Variants in DPP10 observed in about 807,000 individuals in gnomAD.
DPP10 encodes dipeptidyl peptidase like 10, also known as inactive dipeptidyl peptidase 10.
In DPP10, 33 loss-of-function variants were observed where a neutral mutation model predicts 120.9. That is an observed-to-expected ratio of 0.27 (90% CI 0.21 to 0.37). The LOEUF is 0.37. DPP10 is among the 10% of genes least tolerant of loss of function. DPP10 has a pLI of 1.00. For missense variants in DPP10, 816 were observed against 942.8 expected (o/e 0.87, Z 1.76); for synonymous variants, 337 against 326.1 (o/e 1.03, Z -0.36).
intron 1 of DPP10, among the ~76,000 whole-genome samples, chr2:114,489,383 G>T (rs550625797): frequency 6.6e-6 from 1 of 152,150 alleles, no homozygotes; most frequent in African/African-American, 2.4e-5. Flanking sequence ...CCAACCACAT[G>T]CGGATGAGCA....
At chr2:114,958,478 A>C (rs914146161) in intron 1 of DPP10, among the ~76,000 whole-genome samples, 2 of 152,190 alleles carry the variant, frequency 1.3e-5, no homozygotes, top group East Asian at 3.9e-4. Flanking sequence ...AGAATGGTGA[A>C]TAGAATTAAT....
chr2:114,732,933 C>G (rs1677057170), intron 1 of DPP10, among the ~76,000 whole-genome samples: 2 of 152,138 alleles, frequency 1.3e-5, no homozygotes, highest in Admixed American at 1.3e-4. Context: ...TGAGTTAGAG[C>G]TGAGATAGAA....
intron 1 of DPP10, among the ~76,000 whole-genome samples, chr2:114,663,656 T>G (rs1288330328): frequency 2.1e-3 from 196 of 95,056 alleles, no homozygotes; most frequent in East Asian, 0.011. Flanking sequence ...TATATATATA[T>G]ATATATATAT....
intron 1 of DPP10, among the ~76,000 whole-genome samples, chr2:114,469,563 A>G (rs1002321881): frequency 6.6e-6 from 1 of 152,098 alleles, no homozygotes; most frequent in African/African-American, 2.4e-5. Flanking sequence ...CCCCGTGTCT[A>G]CTAAAAATAC....
At chr2:115,171,895 C>T (rs929537552) in intron 1 of DPP10, among the ~76,000 whole-genome samples, 1 of 152,252 alleles carries the variant, frequency 6.6e-6, no homozygotes, top group African/African-American at 2.4e-5. Context: ...TGTACTTTGC[C>T]ATGGCAAGAG....
At chr2:115,107,496 A>G (rs115472019) in intron 1 of DPP10, among the ~76,000 whole-genome samples, 3,342 of 144,414 alleles carry the variant, frequency 0.023, 117 homozygotes, top group African/African-American at 0.071. Flanking sequence ...CTAGAAAATC[A>G]AAGCCTATAT....
intron 1 of DPP10, among the ~76,000 whole-genome samples, chr2:114,541,239 T>C (rs978528269): frequency 6.6e-6 from 1 of 152,186 alleles, no homozygotes; most frequent in Non-Finnish European, 1.5e-5. Context: ...TATACTCCCC[T>C]GACATACTCG....
At chr2:115,526,911 C>A (rs563733213) in intron 5 of DPP10, among the ~76,000 whole-genome samples, 29 of 152,192 alleles carry the variant, frequency 1.9e-4, no homozygotes, top group Non-Finnish European at 3.5e-4. Flanking sequence ...TCAAAGGCCT[C>A]TTTTCCTAGT....
chr2:114,757,134 G>T (rs1432763032), intron 1 of DPP10, among the ~76,000 whole-genome samples: 2 of 149,464 alleles, frequency 1.3e-5, no homozygotes, highest in African/African-American at 2.5e-5. Context: ...AGGGAAAAAA[G>T]GAAGGGAGAG....
intron 5 of DPP10, among the ~76,000 whole-genome samples, chr2:115,667,989 G>C (rs2089593151): frequency 6.6e-6 from 1 of 151,952 alleles, no homozygotes; most frequent in African/African-American, 2.4e-5. Flanking sequence ...TTAAATATAT[G>C]TGTCATATAT....
At chr2:115,108,848 T>C (rs1488697400) in intron 1 of DPP10, among the ~76,000 whole-genome samples, 1 of 152,174 alleles carries the variant, frequency 6.6e-6, no homozygotes, top group Non-Finnish European at 1.5e-5. Context: ...GTTGGGTTCA[T>C]GGTTGAGAAA....
intron 5 of DPP10, among the ~76,000 whole-genome samples, chr2:115,601,903 A>G (rs2083347532): frequency 6.6e-6 from 1 of 151,006 alleles, no homozygotes; most frequent in Non-Finnish European, 1.5e-5. Context: ...AGATGGTCTC[A>G]ATCTTCTGAC....
intron 3 of DPP10, among the ~76,000 whole-genome samples, chr2:115,379,539 T>A (rs1354580987): frequency 2.0e-5 from 3 of 152,124 alleles, no homozygotes; most frequent in Admixed American, 2.0e-4. Context: ...GGGTTTTTTG[T>A]GTCTCTATTT....
chr2:115,696,028 G>A (rs1445941317), intron 7 of DPP10, among the ~76,000 whole-genome samples: 3 of 152,008 alleles, frequency 2.0e-5, no homozygotes, highest in Non-Finnish European at 4.4e-5. Flanking sequence ...TAGTGAAACT[G>A]AAGATAAGAC....
At chr2:114,519,376 T>C (rs1017774830) in intron 1 of DPP10, among the ~76,000 whole-genome samples, 1 of 152,244 alleles carries the variant, frequency 6.6e-6, no homozygotes, top group African/African-American at 2.4e-5. Flanking sequence ...TTATCAGTGT[T>C]GGTTATTTGG....
At chr2:114,609,704 C>A (rs1488349391) in intron 1 of DPP10, among the ~76,000 whole-genome samples, 1 of 152,180 alleles carries the variant, frequency 6.6e-6, no homozygotes. Context: ...CATCCAAACT[C>A]CCAACTACTA....
intron 1 of DPP10, among the ~76,000 whole-genome samples, chr2:115,068,323 T>C (rs1446508473): frequency 6.6e-6 from 1 of 152,050 alleles, no homozygotes; most frequent in Non-Finnish European, 1.5e-5. Flanking sequence ...TGATTAGTAA[T>C]GTTCAGCTTT....
chr2:114,715,559 G>C (rs1008495807), intron 1 of DPP10, among the ~76,000 whole-genome samples: 1 of 151,606 alleles, frequency 6.6e-6, no homozygotes, highest in African/African-American at 2.4e-5. Context: ...TTAAGCCTAG[G>C]TACCACTATC....
At position 115,842,237 on chromosome 2, in the gene DPP10, A is replaced by G; in HGVS notation, c.2283A>G (p.Val761=). 6.2e-7 allele frequency: 1 copy of G among 1,613,622 alleles called. No individual in the cohort carries two copies. Among genetic ancestry groups the G allele is most frequent in the Non-Finnish European group, 8.5e-7 (1 of 1,179,612 alleles). Residue 761 remains valine (V), a synonymous_variant, in exon 26 of 26, where the codon GTA becomes GTG. Coordinates refer to ENST00000410059, the MANE Select transcript of DPP10 (RefSeq NM_020868.6). ...MQVYPDEGHN[V]SEKSKYHLYS... Reference sequence around the variant, plus strand: ...TCTACCCAGATGAAGGTCATAACGTATCTGAGAAGAGCAAGTATCATCTCT... The same window carrying G: ...TCTACCCAGATGAAGGTCATAACGTGTCTGAGAAGAGCAAGTATCATCTCT...
Sources: gnomAD v4.1 joint callset for allele counts (sites outside exome capture counted in the v4.1 genomes callset) on GRCh38, gnomAD v4.1.1 for gene constraint, MANE v1.5 for transcripts, NCBI Gene and HGNC (gene_info 2026-07-23, HGNC 2026-07-21) for gene names.